STMN2: variants seen among roughly 807,000 people sequenced by gnomAD.
STMN2 encodes stathmin-2.
STMN2 carries 2 observed loss-of-function variants against 24.1 expected under a neutral mutation model. The observed-to-expected ratio is 0.08, with a 90% CI of 0.03 to 0.26. The LOEUF is 0.26. Ranked by LOEUF, STMN2 falls within the 10% of genes least tolerant of loss-of-function variation. The pLI is 1.00. For missense variants in STMN2, 114 were observed against 213.6 expected, an observed-to-expected ratio of 0.53 and a Z score of 2.91; for synonymous variants, 83 against 77.5, an observed-to-expected ratio of 1.07 and a Z score of -0.37.
intron 1 of STMN2, among the ~76,000 whole-genome samples, chr8:79,628,446 T>G (rs1809714406): frequency 6.6e-6 from 1 of 152,218 alleles, no homozygotes; most frequent in African/African-American, 2.4e-5. Flanking sequence ...CCACCACGCC[T>G]GGCCTAGTAG....
Position 79,664,963 on chromosome 8 carries a change from T to C in STMN2, c.*89T>C. On this transcript the variant is annotated 3_prime_UTR_variant, in exon 5 of 5. Coordinates refer to ENST00000220876, the MANE Select transcript of STMN2 (RefSeq NM_007029.4). ...ATGCGATATCAGGATGGGGAATGTA[T>C]GACATGGTTTAAAAAGAACTCATTA... 3 of 1,186,748 alleles carry C rather than the reference T, an allele frequency of 2.5e-6. No homozygotes were observed. The highest frequency in any genetic ancestry group is 3.4e-6 in the Non-Finnish European group (3 of 885,112). 73.5% of individuals were successfully genotyped at this position (1,186,748 alleles called of 1,614,324 possible).
intron 3 of STMN2, among the ~76,000 whole-genome samples, chr8:79,645,387 T>C (rs1810196692): frequency 6.6e-6 from 1 of 152,200 alleles, no homozygotes; most frequent in Non-Finnish European, 1.5e-5. Flanking sequence ...GTATTTTACG[T>C]TTACAACTCA....
At chr8:79,644,111 C>T (rs1268128008) in intron 3 of STMN2, among the ~76,000 whole-genome samples, 10 of 152,080 alleles carry the variant, frequency 6.6e-5, no homozygotes, top group Admixed American at 6.6e-4. Flanking sequence ...TATTAATTAT[C>T]TTTAAAGAGT....
intron 1 of STMN2, among the ~76,000 whole-genome samples, chr8:79,636,149 G>A (rs1241016934): frequency 6.6e-6 from 1 of 152,100 alleles, no homozygotes; most frequent in Admixed American, 6.5e-5. Context: ...CCCAGGAGGT[G>A]GAGGTTGCAG....
chr8:79,641,636 A>T, intron 3 of STMN2, 86 bp downstream of exon 3: 45 of 410,970 alleles, frequency 1.1e-4, no homozygotes, highest in East Asian at 3.9e-4. Context: ...ACGCACACAC[A>T]CACACACACA....
Position 79,634,226 on chromosome 8 carries a change from T to G in STMN2, c.20-2576T>G, listed in dbSNP as rs200388641. Among the ~76,000 whole-genome samples, 124 of 152,324 alleles carry G rather than the reference T, an allele frequency of 8.1e-4. 5 individuals carry two copies. In the East Asian group the frequency reaches 0.019, roughly 24 times the overall value. Reference sequence around the variant, plus strand: ...TTCATGGAATTAAATGTATTAAATGTTTTATGCTCTGGCAGAAATTATGAT... The same window carrying G: ...TTCATGGAATTAAATGTATTAAATGGTTTATGCTCTGGCAGAAATTATGAT... On this transcript the variant is annotated intron_variant, in intron 1 of 4. Transcript: ENST00000220876.
At chr8:79,612,384 G>C (rs77707701) in intron 1 of STMN2, among the ~76,000 whole-genome samples, 13 of 152,326 alleles carry the variant, frequency 8.5e-5, no homozygotes, top group African/African-American at 2.9e-4. Flanking sequence ...TGCGGGAAAA[G>C]CTTCTAGAAC....
chr8:79,660,702 A>T (rs1383186343), intron 4 of STMN2, among the ~76,000 whole-genome samples: 1 of 152,132 alleles, frequency 6.6e-6, no homozygotes, highest in African/African-American at 2.4e-5. Context: ...GTTTGGTTAC[A>T]TGGAAAAGTT....
At chr8:79,629,486 A>C (rs1296780080) in intron 1 of STMN2, among the ~76,000 whole-genome samples, 1 of 152,202 alleles carries the variant, frequency 6.6e-6, no homozygotes, top group Admixed American at 6.5e-5. Flanking sequence ...CAGTGTTGTG[A>C]ATGAATGGCT....
At chr8:79,663,197 A>G (rs887316897) in intron 4 of STMN2, among the ~76,000 whole-genome samples, 3 of 152,092 alleles carry the variant, frequency 2.0e-5, no homozygotes, top group African/African-American at 7.2e-5. Context: ...CCCAGAATCT[A>G]CACTTGAAAA....
At chr8:79,631,180 A>C (rs1401458467) in intron 1 of STMN2, among the ~76,000 whole-genome samples, 1 of 152,216 alleles carries the variant, frequency 6.6e-6, no homozygotes, top group Non-Finnish European at 1.5e-5. Context: ...TTTGATCACA[A>C]GGACTGATTC....
intron 2 of STMN2, among the ~76,000 whole-genome samples, chr8:79,638,828 C>T (rs1810027911): frequency 6.6e-6 from 1 of 152,272 alleles, no homozygotes; most frequent in South Asian, 2.1e-4. Context: ...TCCAGAGCCT[C>T]TAATCTAAGG....
intron 4 of STMN2, among the ~76,000 whole-genome samples, chr8:79,658,082 G>A (rs1180479385): frequency 6.6e-6 from 1 of 152,194 alleles, no homozygotes; most frequent in African/African-American, 2.4e-5. Context: ...TTGAAGCCAG[G>A]AGTTCGAGAC....
rs115767319 is a variant in STMN2 at position 79,640,260 on chromosome 8, C to T, written c.116-1118C>T. 3.2e-3 allele frequency among the ~76,000 whole-genome samples: 491 copies of T among 152,296 alleles called. 3 individuals carry two copies. Among genetic ancestry groups the T allele is most frequent in the African/African-American group, 0.011 (463 of 41,560 alleles). On this transcript the variant is annotated intron_variant, in intron 2 of 4. Coordinates refer to ENST00000220876, the MANE Select transcript of STMN2 (RefSeq NM_007029.4). ...CTGAAATTATGTATTCTTTGATCAA[C>T]ATCTCCCCAGTCTCCACCCCTAACC...
intron 1 of STMN2, among the ~76,000 whole-genome samples, chr8:79,612,422 G>C (rs1422417584): frequency 2.6e-5 from 4 of 152,192 alleles, no homozygotes; most frequent in Non-Finnish European, 5.9e-5. Context: ...TAATAATAGA[G>C]ATGACATGAA....
intron 3 of STMN2, among the ~76,000 whole-genome samples, chr8:79,646,510 G>A (rs1251338566): frequency 6.6e-5 from 10 of 152,104 alleles, no homozygotes; most frequent in Non-Finnish European, 1.5e-4. Flanking sequence ...TAGCAAGGGA[G>A]TAGGGCGGGC....
At chr8:79,654,382 G>A (rs1433698777) in intron 3 of STMN2, among the ~76,000 whole-genome samples, 1 of 152,082 alleles carries the variant, frequency 6.6e-6, no homozygotes, top group African/African-American at 2.4e-5. Flanking sequence ...TGAAATAAAA[G>A]GAGAAAGTGA....
chr8:79,638,600 A>G (rs1476866826), intron 2 of STMN2, among the ~76,000 whole-genome samples: 1 of 152,188 alleles, frequency 6.6e-6, no homozygotes, highest in Non-Finnish European at 1.5e-5. Flanking sequence ...AATTATTATT[A>G]TTGTTTACAT....
At chr8:79,655,615 G>A (rs974935272) in intron 4 of STMN2, among the ~76,000 whole-genome samples, 1 of 152,134 alleles carries the variant, frequency 6.6e-6, no homozygotes, top group Admixed American at 6.5e-5. Context: ...GTTTCATCCA[G>A]TTCTGGTATC....
Sources: gnomAD v4.1 joint callset for allele counts (sites outside exome capture counted in the v4.1 genomes callset) on GRCh38, gnomAD v4.1.1 for gene constraint, MANE v1.5 for transcripts, NCBI Gene and HGNC (gene_info 2026-07-23, HGNC 2026-07-21) for gene names.